Variants in ST7 observed in about 807,000 individuals in gnomAD.
The protein encoded by ST7 is suppression of tumorigenicity 7.
ST7 carries 28 observed loss-of-function variants against 78.7 expected under a neutral mutation model. The ratio of observed to expected loss-of-function variants is 0.36; its 90% CI spans 0.26 to 0.49. ST7 has a LOEUF of 0.49. Among genes scored for constraint, ST7 ranks in the 20% least tolerant of loss-of-function variants. The pLI is 0.99. For synonymous variants in ST7, 247 were observed against 249.6 expected (o/e 0.99, Z 0.10); for missense variants, 418 against 696.0 (o/e 0.60, Z 4.49).
At position 117,152,128 on chromosome 7, in the gene ST7, T is replaced by A. The variant is rs566786341; in HGVS notation, c.963+13596T>A. Among the ~76,000 whole-genome samples the A allele has an allele frequency of 7.9e-3, 922 of 116,694 alleles. 11 individuals carry two copies. Among genetic ancestry groups the A allele is most frequent in the African/African-American group, 0.029 (810 of 28,356 alleles). The allele number at this position is 116,694 out of a possible 152,430, so 76.6% of individuals were successfully genotyped here. A position where few individuals can be genotyped will look rare whatever the true frequency, so the allele number is the denominator to read the frequency against. ...AGTGAGACACCATCTCAAAAAAAAA[T>A]AATAATAATTTATATATATATAAAA... is the stretch of plus-strand genomic sequence containing the variant. On this transcript the variant is annotated intron_variant, in intron 9 of 15. Coordinates refer to ENST00000323984, the MANE Select transcript of ST7 (RefSeq NM_001369598.1).
rs199578078 is a variant in ST7 at position 117,190,888 on chromosome 7, A to G, written c.1206A>G (p.Ala402=). The G allele has an allele frequency of 5.6e-6, 9 of 1,614,118 alleles. No individual in the cohort carries two copies. Among genetic ancestry groups the G allele is most frequent in the Non-Finnish European group, 7.6e-6 (9 of 1,179,984 alleles). Residue 402 remains alanine (A), a synonymous_variant, in exon 12 of 16, where the codon GCA becomes GCG. Coordinates refer to ENST00000323984, the MANE Select transcript of ST7 (RefSeq NM_001369598.1). This position sits in a 1 kb window ranked among gnomAD's most constrained non-coding sequence, Gnocchi z 5.2. ...RRGLSTAEMN[A]VEAIHRAVEF... is the part of the protein sequence containing the mutation. The stretch of plus-strand genomic sequence containing the variant: ...GGCTGAGCACAGCAGAGATGAATGC[A>G]GTAGAGGCCATTCATAGAGCTGTGG...
At chr7:117,018,927 T>C (rs1795746177) in intron 1 of ST7, among the ~76,000 whole-genome samples, 2 of 152,328 alleles carry the variant, frequency 1.3e-5, no homozygotes, top group African/African-American at 4.8e-5. Flanking sequence ...CAAGTTACCC[T>C]GAATAAACTG....
In ST7 at chr7:117,089,593, A is replaced by G. The variant is rs1214044112; in HGVS notation, c.152-10169A>G. 2.7e-5 allele frequency among the ~76,000 whole-genome samples: 4 copies of G among 146,282 alleles called. No homozygotes were observed. In the South Asian group the frequency reaches 8.7e-4, roughly 32 times the overall value. ...TTTTTTGTTTTTTTTTTTTTTTGAG[A>G]TGGAATCTCGCTCTGTCGCCCAGGC... is the stretch of plus-strand genomic sequence containing the variant. On this transcript the variant is annotated intron_variant, in intron 1 of 15. Transcript: ENST00000323984.
chr7:117,123,280 G>T (rs556009377), intron 3 of ST7, among the ~76,000 whole-genome samples: 1 of 152,070 alleles, frequency 6.6e-6, no homozygotes, highest in South Asian at 2.1e-4. Context: ...AATTTGTTTT[G>T]AATAAAAGCT....
intron 1 of ST7, among the ~76,000 whole-genome samples, chr7:117,025,428 G>A (rs907941221): frequency 3.3e-5 from 5 of 152,142 alleles, no homozygotes; most frequent in Non-Finnish European, 5.9e-5. Flanking sequence ...TTAGGAACAT[G>A]AGCCATTTTC....
chr7:117,133,328 G>A (rs973346277), intron 6 of ST7, among the ~76,000 whole-genome samples: 10 of 151,690 alleles, frequency 6.6e-5, no homozygotes, highest in African/African-American at 2.2e-4. Context: ...AAGGTCTTTC[G>A]GTTTCCTGGG....
At chr7:117,175,659 C>T (rs137865485) in intron 10 of ST7, among the ~76,000 whole-genome samples, 7 of 152,162 alleles carry the variant, frequency 4.6e-5, no homozygotes, top group African/African-American at 1.2e-4. Flanking sequence ...GAAATGAGAT[C>T]GAGACTTAGA....
intron 1 of ST7, among the ~76,000 whole-genome samples, chr7:116,973,881 G>C (rs983573996): frequency 6.6e-6 from 1 of 152,144 alleles, no homozygotes. Flanking sequence ...ACCATAAATA[G>C]GTAAATTAAT....
chr7:117,118,641 T>G (rs1003861824), intron 2 of ST7, among the ~76,000 whole-genome samples: 4 of 152,208 alleles, frequency 2.6e-5, no homozygotes, highest in African/African-American at 9.7e-5. Context: ...CTTAAATTTC[T>G]TCTGTGGAAT....
intron 1 of ST7, among the ~76,000 whole-genome samples, chr7:117,092,645 A>G (rs1800722251): frequency 6.6e-6 from 1 of 152,224 alleles, no homozygotes; most frequent in African/African-American, 2.4e-5. Flanking sequence ...CTATTATCAC[A>G]TGGAAAAATA....
chr7:117,015,422 T>A (rs1359672440), intron 1 of ST7, among the ~76,000 whole-genome samples: 2 of 152,234 alleles, frequency 1.3e-5, no homozygotes, highest in Non-Finnish European at 2.9e-5. Flanking sequence ...TGCTTGTGTA[T>A]TGCTCTTTTA....
intron 1 of ST7, chr7:116,967,248 G>T (rs1250897297): frequency 4.3e-6 from 2 of 470,028 alleles, no homozygotes; most frequent in African/African-American, 4.0e-5. Flanking sequence ...AGCCTGTTCT[G>T]GAAGACCCCA....
At chr7:117,026,463 C>T (rs1796187325) in intron 1 of ST7, among the ~76,000 whole-genome samples, 1 of 152,024 alleles carries the variant, frequency 6.6e-6, no homozygotes, top group African/African-American at 2.4e-5. Context: ...TAAAAGGTCC[C>T]ATTTACTGTG....
chr7:117,048,826 C>T (rs576793133), intron 1 of ST7, among the ~76,000 whole-genome samples: 15 of 152,218 alleles, frequency 9.9e-5, no homozygotes, highest in African/African-American at 3.6e-4. Context: ...TTGGGGTTCT[C>T]CTCATAGCAC....
At chr7:117,192,680 A>G (rs1455797477) in intron 12 of ST7, among the ~76,000 whole-genome samples, 1 of 152,154 alleles carries the variant, frequency 6.6e-6, no homozygotes, top group African/African-American at 2.4e-5. Context: ...ATCCTGGGGC[A>G]CAAGACAGAA....
intron 1 of ST7, among the ~76,000 whole-genome samples, chr7:117,088,372 A>G (rs1298324764): frequency 6.6e-6 from 1 of 152,200 alleles, no homozygotes; most frequent in Non-Finnish European, 1.5e-5. Context: ...AGTGTATGAT[A>G]CTTTTTATAA....
At position 116,968,580 on chromosome 7, in the gene ST7, G is replaced by A. The variant is rs1320783983; in HGVS notation, c.151+14889G>A. On this transcript the variant is annotated intron_variant, in intron 1 of 15. Coordinates refer to ENST00000323984, the MANE Select transcript of ST7 (RefSeq NM_001369598.1). The stretch of plus-strand genomic sequence containing the variant: ...AAATTCATTGAGTCATACTATTAGC[G>A]AGTCGCAGTGCTTGGTGCGGGTGTA... 1.6e-5 allele frequency: 5 copies of A among 306,982 alleles called. No individual in the cohort carries two copies. In the East Asian group the frequency reaches 3.2e-4, roughly 20 times the overall value. The allele number at this position is 306,982 out of a possible 1,614,324, so 19.0% of individuals were successfully genotyped here.
intron 1 of ST7, among the ~76,000 whole-genome samples, chr7:117,002,525 A>G (rs1794976822): frequency 6.6e-6 from 1 of 152,098 alleles, no homozygotes; most frequent in South Asian, 2.1e-4. Flanking sequence ...TGTTGTGTTT[A>G]AAAGTTTCAT....
chr7:117,104,044 C>A (rs1256207409), intron 2 of ST7, among the ~76,000 whole-genome samples: 1 of 152,180 alleles, frequency 6.6e-6, no homozygotes, highest in African/African-American at 2.4e-5. Context: ...AACGAGCTAT[C>A]ATCTCACTAC....
Sources: allele counts gnomAD v4.1 joint callset (sites outside exome capture counted in the v4.1 genomes callset), GRCh38; gene constraint gnomAD v4.1.1; non-coding constraint Gnocchi (gnomAD v3.1); transcripts MANE v1.5; gene names NCBI Gene and HGNC (gene_info 2026-07-23, HGNC 2026-07-21).